The following MDGA2 variants were observed in gnomAD, a reference collection of about 807,000 sequenced individuals.
The protein encoded by MDGA2 is MAM domain-containing glycosylphosphatidylinositol anchor protein 2.
In MDGA2, 40 loss-of-function variants were observed where a neutral mutation model predicts 117.8. That is an observed-to-expected ratio of 0.34 (90% CI 0.26 to 0.44). MDGA2 has a LOEUF of 0.44. MDGA2 is among the 20% of genes least tolerant of loss of function. MDGA2 has a pLI of 1.00. For synonymous variants in MDGA2, 452 were observed against 439.0 expected, an observed-to-expected ratio of 1.03 and a Z score of -0.37; for missense variants, 1,123 against 1,250.6, an observed-to-expected ratio of 0.90 and a Z score of 1.54.
chr14:46,852,144 T>G (rs895361258), intron 15 of MDGA2, among the ~76,000 whole-genome samples: 1 of 151,716 alleles, frequency 6.6e-6, no homozygotes, highest in Non-Finnish European at 1.5e-5. Flanking sequence ...GTAATTTAAA[T>G]AGCTTAAAAA....
intron 1 of MDGA2, among the ~76,000 whole-genome samples, chr14:47,544,718 G>A (rs1454973009): frequency 2.6e-5 from 4 of 152,074 alleles, no homozygotes; most frequent in African/African-American, 9.7e-5. Flanking sequence ...AAGAGGTGAG[G>A]TTAATTAGCA....
chr14:47,000,829 A>G (rs1397561053), intron 8 of MDGA2, among the ~76,000 whole-genome samples: 1 of 152,018 alleles, frequency 6.6e-6, no homozygotes, highest in Non-Finnish European at 1.5e-5. Flanking sequence ...GTATCAACAT[A>G]GAGAAGAAAA....
intron 14 of MDGA2, among the ~76,000 whole-genome samples, chr14:46,857,285 A>AT (rs1881306270): frequency 2.0e-5 from 3 of 152,236 alleles, no homozygotes; most frequent in South Asian, 2.1e-4. Flanking sequence ...ATCCCTTAGC[A>AT]TTTTTTGCAG....
At position 47,473,615 on chromosome 14, in the gene MDGA2, G is replaced by T. The variant is rs4900771; in HGVS notation, c.281-172065C>A. 5.9e-3 allele frequency among the ~76,000 whole-genome samples: 896 copies of T among 152,004 alleles called. 35 individuals are homozygous for T. Among genetic ancestry groups the T allele is most frequent in the Admixed American group, 0.052 (797 of 15,238 alleles). On this transcript the variant is annotated intron_variant, in intron 1 of 16. Coordinates refer to ENST00000399232, the MANE Select transcript of MDGA2 (RefSeq NM_001113498.3). ...GGGACTGCAAAATAAAGAGTGAAAA[G>T]ATTAATATTATGATATGTAAAAAGG...
chr14:47,103,452 C>T (rs1487551695), intron 5 of MDGA2, among the ~76,000 whole-genome samples: 3 of 152,184 alleles, frequency 2.0e-5, no homozygotes, highest in Non-Finnish European at 4.4e-5. Context: ...TATTCAAATA[C>T]TATCCTTCAC....
At chr14:47,171,144 C>T (rs1210422653) in intron 3 of MDGA2, among the ~76,000 whole-genome samples, 2 of 151,972 alleles carry the variant, frequency 1.3e-5, no homozygotes, top group Non-Finnish European at 2.9e-5. Flanking sequence ...TAAAAAATTG[C>T]TTATTTTTAT....
Position 46,895,613 on chromosome 14 carries a change from C to G in MDGA2, c.2239-13392G>C, listed in dbSNP as rs376691169. 2.2e-4 allele frequency among the ~76,000 whole-genome samples: 34 copies of G among 152,034 alleles called. 3 individuals are homozygous for G. The South Asian group carries it at 7.1e-3, about 32-fold the overall frequency. ...TGGTGGCGGGCGCCTGTAGTTCCAGCTACTCAGGAGGCTGAGGCAGGAGAA... is the reference window on the plus strand; with the variant it reads ...TGGTGGCGGGCGCCTGTAGTTCCAGGTACTCAGGAGGCTGAGGCAGGAGAA... On this transcript the variant is annotated intron_variant, in intron 10 of 16. Coordinates refer to ENST00000399232, the MANE Select transcript of MDGA2 (RefSeq NM_001113498.3).
intron 8 of MDGA2, among the ~76,000 whole-genome samples, chr14:47,010,978 G>A (rs1045440555): frequency 1.1e-4 from 17 of 151,926 alleles, no homozygotes; most frequent in African/African-American, 1.9e-4. Context: ...AGAGAATGGC[G>A]TTTTATTTTG....
Position 46,969,930 on chromosome 14 carries a change from TTCCATATATATATATATATATATATA to T in MDGA2, c.1820-12313_1820-12288del, listed in dbSNP as rs1462195530. Reference sequence around the variant, plus strand: ...CACATGTACCTTAGAACTTAAAGTATTCCATATATATATATATATATATATATATATATATATATATATATATGGAA... The same window carrying T: ...CACATGTACCTTAGAACTTAAAGTATTATATATATATATATATATATGGAA... On this transcript the variant is annotated intron_variant, in intron 8 of 16. Transcript: ENST00000399232. Among the ~76,000 whole-genome samples the T allele has an allele frequency of 5.7e-4, 78 of 135,772 alleles. 1 individual carries two copies. In the Middle Eastern group the frequency reaches 0.019, roughly 33 times the overall value. The allele number at this position is 135,772 out of a possible 152,430, so 89.1% of individuals were successfully genotyped here. A position where few individuals can be genotyped will look rare whatever the true frequency, so the allele number is the denominator to read the frequency against.
At chr14:47,212,884 T>G (rs1040551970) in intron 3 of MDGA2, among the ~76,000 whole-genome samples, 2 of 152,130 alleles carry the variant, frequency 1.3e-5, no homozygotes, top group Non-Finnish European at 2.9e-5. Flanking sequence ...CCATGAGAAT[T>G]TGTCTCTAAA....
At chr14:47,469,502 C>T (rs1594872904) in intron 1 of MDGA2, among the ~76,000 whole-genome samples, 2 of 152,176 alleles carry the variant, frequency 1.3e-5, no homozygotes, top group South Asian at 2.1e-4. Flanking sequence ...TTTATGGCTG[C>T]ATAGTATTCC....
At chr14:47,497,418 A>G (rs1031655842) in intron 1 of MDGA2, among the ~76,000 whole-genome samples, 2 of 151,982 alleles carry the variant, frequency 1.3e-5, no homozygotes, top group African/African-American at 2.4e-5. Flanking sequence ...CACCACGCCC[A>G]GCTAATTTTT....
chr14:47,102,388 C>A (rs866307577), intron 5 of MDGA2, among the ~76,000 whole-genome samples: 3 of 142,178 alleles, frequency 2.1e-5, no homozygotes, highest in African/African-American at 8.7e-5. Context: ...CACACACACA[C>A]ACACAAACAC....
At chr14:47,386,519 C>T (rs1308477278) in intron 1 of MDGA2, among the ~76,000 whole-genome samples, 1 of 151,994 alleles carries the variant, frequency 6.6e-6, no homozygotes, top group East Asian at 1.9e-4. Flanking sequence ...GTGACAATTA[C>T]AAGGTAAAAG....
intron 3 of MDGA2, among the ~76,000 whole-genome samples, chr14:47,212,610 C>T (rs1419177420): frequency 6.6e-6 from 1 of 152,038 alleles, no homozygotes; most frequent in African/African-American, 2.4e-5. Context: ...TTTTCATTTT[C>T]ACATTGTCTT....
chr14:47,066,212 C>T (rs1454032955), intron 6 of MDGA2, among the ~76,000 whole-genome samples: 1 of 152,164 alleles, frequency 6.6e-6, no homozygotes, highest in Non-Finnish European at 1.5e-5. Flanking sequence ...GTACACCTTA[C>T]TCTTCTTCAT....
chr14:47,423,146 C>T (rs1413604214), intron 1 of MDGA2, among the ~76,000 whole-genome samples: 1 of 152,138 alleles, frequency 6.6e-6, no homozygotes, highest in Non-Finnish European at 1.5e-5. Flanking sequence ...ACATGTCACA[C>T]ATCTGTATAA....
At chr14:47,252,258 C>T (rs1254440874) in intron 2 of MDGA2, among the ~76,000 whole-genome samples, 3 of 151,920 alleles carry the variant, frequency 2.0e-5, no homozygotes, top group Non-Finnish European at 4.4e-5. Context: ...ACATTGTTAA[C>T]AATAAGATAA....
intron 1 of MDGA2, among the ~76,000 whole-genome samples, chr14:47,476,453 T>A (rs1893839928): frequency 6.6e-6 from 1 of 152,102 alleles, no homozygotes; most frequent in Non-Finnish European, 1.5e-5. Context: ...AGGAAATGAA[T>A]ATATTTGTTA....
Sources: gnomAD v4.1 joint callset for allele counts (sites outside exome capture counted in the v4.1 genomes callset) on GRCh38, gnomAD v4.1.1 for gene constraint, MANE v1.5 for transcripts, NCBI Gene and HGNC (gene_info 2026-07-23, HGNC 2026-07-21) for gene names.